FGFR1: variants seen among roughly 807,000 people sequenced by gnomAD.
FGFR1 encodes fibroblast growth factor receptor 1, also known as FGFR1/PLAG1 fusion.
In FGFR1, 18 loss-of-function variants were observed where a neutral mutation model predicts 93.7. That is an observed-to-expected ratio of 0.19 (90% CI 0.13 to 0.28). The LOEUF is 0.28. Ranked by LOEUF, FGFR1 falls within the 10% of genes least tolerant of loss-of-function variation. The pLI, the probability that FGFR1 is intolerant of heterozygous loss-of-function variation, is 1.00. For missense variants in FGFR1, 731 were observed against 1,080.4 expected (o/e 0.68, Z 4.53); for synonymous variants, 448 against 429.3 (o/e 1.04, Z -0.54).
intron 12 of FGFR1, 117 bp from the exon 13 acceptor site, chr8:38,416,177 C>T (rs889622355): frequency 8.9e-5 from 73 of 822,640 alleles, no homozygotes; most frequent in Non-Finnish European, 2.0e-5. Flanking sequence ...CTCCTGCCTC[C>T]TCTTAGGGGA....
intron 2 of FGFR1, among the ~76,000 whole-genome samples, chr8:38,437,021 T>C (rs768866638): frequency 3.3e-5 from 5 of 152,258 alleles, no homozygotes; most frequent in Admixed American, 6.5e-5. Context: ...GCTGGGACTA[T>C]AGACAAGCGC....
intron 13 of FGFR1, among the ~76,000 whole-genome samples, chr8:38,415,285 AGGTATT>A (rs779039189): frequency 3.9e-5 from 6 of 152,062 alleles, no homozygotes; most frequent in Non-Finnish European, 5.9e-5. Context: ...ATTCTACAAC[AGGTATT>A]GTTATACTTT....
At chr8:38,459,583 T>C (rs1239463851) in intron 1 of FGFR1, among the ~76,000 whole-genome samples, 6 of 152,216 alleles carry the variant, frequency 3.9e-5, no homozygotes, top group African/African-American at 9.7e-5. Flanking sequence ...TTTAGAACTA[T>C]AGTGAGGAAT....
intron 11 of FGFR1, among the ~76,000 whole-genome samples, 167 bp downstream of exon 11, chr8:38,417,703 A>T (rs1031564535): frequency 6.6e-6 from 1 of 152,112 alleles, no homozygotes; most frequent in Non-Finnish European, 1.5e-5. Context: ...GTCATAGAAC[A>T]ATCTCAAGGT....
rs1324231648 is a variant in FGFR1 at position 38,424,902 on chromosome 8, C to T, written c.746-203G>A. On this transcript the variant is annotated intron_variant, in intron 6 of 17. Transcript: ENST00000447712. The surrounding 1 kb of genome is among the most constrained non-coding windows in gnomAD (Gnocchi z 4.3). ...CCTAAGCCATCAGGATCCTCCTCCCCAAGGCAGTCATCATATTTACAGTCA... is the reference window on the plus strand; with the variant it reads ...CCTAAGCCATCAGGATCCTCCTCCCTAAGGCAGTCATCATATTTACAGTCA... Among the ~76,000 whole-genome samples the T allele has an allele frequency of 6.6e-6, 1 of 152,206 alleles. No individual in the cohort carries two copies. Among genetic ancestry groups the T allele is most frequent in the Admixed American group, 6.5e-5 (1 of 15,282 alleles).
Position 38,424,493 on chromosome 8 carries a change from C to T in FGFR1, c.936+16G>A, listed in dbSNP as rs768375905. ...TTCCCAGTAGACTGGCCCACGAAGA[C>T]TGGTGCCATGATTACCTTCAAGATC... is the stretch of plus-strand genomic sequence containing the variant. On this transcript the variant is annotated intron_variant, in intron 7 of 17. Coordinates refer to ENST00000447712, the MANE Select transcript of FGFR1 (RefSeq NM_023110.3). This position sits in a 1 kb window ranked among gnomAD's most constrained non-coding sequence, Gnocchi z 4.3. The T allele has an allele frequency of 6.2e-7, 1 of 1,614,142 alleles. No homozygotes were observed. Among genetic ancestry groups the T allele is most frequent in the South Asian group, 1.1e-5 (1 of 91,080 alleles).
chr8:38,457,635 T>C (rs1586750034), intron 1 of FGFR1, 101 bp from the exon 2 acceptor site: 1 of 1,224,972 alleles, frequency 8.2e-7, no homozygotes, highest in East Asian at 2.5e-5. Context: ...CTGCTTAAAG[T>C]GTGGACTTAC....
At chr8:38,467,370 C>T (rs1172247692) in intron 1 of FGFR1, among the ~76,000 whole-genome samples, 2 of 152,134 alleles carry the variant, frequency 1.3e-5, no homozygotes, top group Non-Finnish European at 2.9e-5. Context: ...GCTAACCTAG[C>T]CCTCCACGTC....
In FGFR1 at chr8:38,424,340, T is replaced by C. The variant is rs1414754834; in HGVS notation, c.936+169A>G. On this transcript the variant is annotated intron_variant, in intron 7 of 17. Coordinates refer to ENST00000447712, the MANE Select transcript of FGFR1 (RefSeq NM_023110.3). The surrounding 1 kb of genome is among the most constrained non-coding windows in gnomAD (Gnocchi z 4.3). ...ACCTCCACTTTGTGACCTCTGTTAC[T>C]AGTCCTGGGGGATGTGGCTAGATCC... The C allele has an allele frequency of 1.3e-6, 1 of 778,422 alleles. No individual in the cohort carries two copies. The highest frequency in any genetic ancestry group is 1.5e-5 in the South Asian group (1 of 68,182). 48.2% of individuals were successfully genotyped at this position (778,422 alleles called of 1,614,324 possible).
At position 38,468,204 on chromosome 8, in the gene FGFR1, G is replaced by A. The variant is rs1835951444; in HGVS notation, c.-312C>T. On this transcript the variant is annotated 5_prime_UTR_variant, in exon 1 of 18. Coordinates refer to ENST00000447712, the MANE Select transcript of FGFR1 (RefSeq NM_023110.3). ...AGCCGGAGCTGGTGCCCCGGAGGCG[G>A]GGCGGGGGGAGGGCTCCCGTCCGCC... 8.7e-6 allele frequency: 2 copies of A among 228,582 alleles called. No homozygotes were observed. The highest frequency in any genetic ancestry group is 6.1e-5 in the East Asian group (1 of 16,398). 14.2% of individuals were successfully genotyped at this position (228,582 alleles called of 1,614,324 possible).
In FGFR1 at chr8:38,413,601, A is replaced by T. The variant is rs1815115775; in HGVS notation, c.*27T>A. ...GGGTGAGGGTTACAGCTGACGGTGG[A>T]GTCTGGGGAGGGCGTGTGGGTGGCA... On this transcript the variant is annotated 3_prime_UTR_variant, in exon 18 of 18. Transcript: ENST00000447712. The surrounding 1 kb of genome is among the most constrained non-coding windows in gnomAD (Gnocchi z 4.2). 6.3e-7 allele frequency: 1 copy of T among 1,590,276 alleles called. No individual in the cohort carries two copies. The highest frequency in any genetic ancestry group is 8.6e-7 in the Non-Finnish European group (1 of 1,169,538).
chr8:38,450,265 G>A (rs1437073197), intron 2 of FGFR1, among the ~76,000 whole-genome samples: 2 of 152,302 alleles, frequency 1.3e-5, no homozygotes, highest in African/African-American at 2.4e-5. Flanking sequence ...GGGCCGCCCC[G>A]TTCAGGAGCC....
At chr8:38,421,212 G>A (rs1042225055) in intron 8 of FGFR1, among the ~76,000 whole-genome samples, 16 of 152,254 alleles carry the variant, frequency 1.1e-4, no homozygotes, top group African/African-American at 3.4e-4. Flanking sequence ...GAGGAGAGAC[G>A]GCAGCAGGCA....
At position 38,416,152 on chromosome 8, in the gene FGFR1, C is replaced by T. The variant is rs997924158; in HGVS notation, c.1664-92G>A. The stretch of plus-strand genomic sequence containing the variant: ...AAACCCCACCCCCAGCAGCACACCC[C>T]GGCCAACCTCCCATCTCCTGCCTCC... On this transcript the variant is annotated intron_variant, in intron 12 of 17. Transcript: ENST00000447712. 82 of 1,100,130 alleles carry T rather than the reference C, an allele frequency of 7.5e-5. No individual in the cohort carries two copies. In the Middle Eastern group the frequency reaches 1.1e-3, roughly 15 times the overall value. 68.1% of individuals were successfully genotyped at this position (1,100,130 alleles called of 1,614,324 possible).
intron 2 of FGFR1, among the ~76,000 whole-genome samples, chr8:38,445,401 A>T (rs1043127909): frequency 1.1e-4 from 17 of 152,206 alleles, no homozygotes; most frequent in African/African-American, 4.1e-4. Flanking sequence ...TGGTCATGAT[A>T]TATTACCCCA....
chr8:38,429,548 A>C lies in FGFR1; in HGVS notation c.358+134T>G. 2.0e-6 allele frequency: 2 copies of C among 1,004,612 alleles called. No homozygotes were observed. The highest frequency in any genetic ancestry group is 3.0e-6 in the Non-Finnish European group (2 of 672,746). The allele number at this position is 1,004,612 out of a possible 1,614,324, so 62.2% of individuals were successfully genotyped here. A position where few individuals can be genotyped will look rare whatever the true frequency, so the allele number is the denominator to read the frequency against. ...CACGCGGCAGGCAGGGAGCAATGTT[A>C]GTGGGCAGCAGTTTCTGAAGCAGAG... On this transcript the variant is annotated intron_variant, in intron 3 of 17. Transcript: ENST00000447712. The surrounding 1 kb of genome is among the most constrained non-coding windows in gnomAD (Gnocchi z 4.4).
chr8:38,412,189 A>G lies in FGFR1; in HGVS notation c.*1439T>C, dbSNP rs11990198. ...CTCAGCCTCCTGTGGAGCTGGGATT[A>G]CAGGCGTGTGCCACCATGCCTGGAT... is the stretch of plus-strand genomic sequence containing the variant. On this transcript the variant is annotated 3_prime_UTR_variant, in exon 18 of 18. Transcript: ENST00000447712. The G allele has an allele frequency of 1.3e-3, 279 of 208,554 alleles. 3 individuals carry two copies. Among genetic ancestry groups the G allele is most frequent in the African/African-American group, 5.7e-3 (251 of 44,088 alleles). The allele number at this position is 208,554 out of a possible 1,614,324, so 12.9% of individuals were successfully genotyped here.
chr8:38,461,212 A>G (rs1834326733), intron 1 of FGFR1: 3 of 1,424,592 alleles, frequency 2.1e-6, no homozygotes, highest in Non-Finnish European at 2.9e-6. Context: ...CTGGTGAGAT[A>G]GCAGGGGCTG....
intron 3 of FGFR1, chr8:38,428,978 A>G (rs2150942471): frequency 3.3e-6 from 1 of 299,958 alleles, no homozygotes; most frequent in Non-Finnish European, 6.5e-6. Flanking sequence ...TCTCCCCAAT[A>G]AGTATTTATT....
Sources: gnomAD v4.1 joint callset for allele counts (sites outside exome capture counted in the v4.1 genomes callset) on GRCh38, gnomAD v4.1.1 for gene constraint, Gnocchi (gnomAD v3.1) non-coding constraint, MANE v1.5 for transcripts, NCBI Gene and HGNC (gene_info 2026-07-23, HGNC 2026-07-21) for gene names.